The following ARHGAP32 variants were observed in gnomAD, a reference collection of about 807,000 sequenced individuals.
ARHGAP32 encodes the protein rho GTPase-activating protein 32.
A neutral mutation model predicts 186.5 loss-of-function variants in ARHGAP32; 51 were observed. The observed-to-expected ratio is 0.27, with a 90% confidence interval of 0.22 to 0.35. ARHGAP32 has a LOEUF of 0.35. Among genes scored for constraint, ARHGAP32 ranks in the 10% least tolerant of loss-of-function variants. ARHGAP32 has a pLI of 1.00. For missense variants in ARHGAP32, 2,186 were observed against 2,623.5 expected (o/e 0.83, Z 3.64); for synonymous variants, 950 against 964.3 (o/e 0.99, Z 0.27).
chr11:129,007,004 C>G (rs1200354895), intron 11 of ARHGAP32, among the ~76,000 whole-genome samples: 5 of 152,080 alleles, frequency 3.3e-5, no homozygotes, highest in African/African-American at 1.2e-4. Flanking sequence ...ATCCCATGGC[C>G]ACCACCACCA....
At chr11:129,011,636 A>C (rs756083608) in intron 11 of ARHGAP32, among the ~76,000 whole-genome samples, 1 of 152,200 alleles carries the variant, frequency 6.6e-6, no homozygotes, top group Non-Finnish European at 1.5e-5. Context: ...ACATTTCAAA[A>C]CATTTTAAAA....
At chr11:129,192,824 G>A (rs543832466), upstream of ARHGAP32, among the ~76,000 whole-genome samples, 5 of 152,266 alleles carry the variant, frequency 3.3e-5, no homozygotes, top group African/African-American at 1.2e-4. Context: ...TAAAAGCTGG[G>A]CTTGTCCACA....
Position 129,143,104 on chromosome 11 carries a change from C to T in ARHGAP32, c.226-18210G>A, listed in dbSNP as rs999990028. On this transcript the variant is annotated intron_variant, in intron 2 of 22. Coordinates refer to ENST00000682385, the MANE Select transcript of ARHGAP32 (RefSeq NM_001378024.1). ...ATATATATATAATCAACTGAATAAA[C>T]GAGATTTTGATACAAAATTTGTGCT... is the stretch of plus-strand genomic sequence containing the variant. Among the ~76,000 whole-genome samples the T allele has an allele frequency of 6.2e-5, 5 of 80,458 alleles. 1 individual carries two copies. Among genetic ancestry groups the T allele is most frequent in the South Asian group, 7.8e-4 (2 of 2,556 alleles). The allele number at this position is 80,458 out of a possible 152,430, so 52.8% of individuals were successfully genotyped here.
chr11:128,989,851 G>C (rs1023936699), intron 12 of ARHGAP32, among the ~76,000 whole-genome samples: 5 of 151,904 alleles, frequency 3.3e-5, no homozygotes, highest in African/African-American at 1.2e-4. Flanking sequence ...GAGAATGATG[G>C]CTTCCAACTT....
chr11:129,117,742 A>C (rs535732150), intron 5 of ARHGAP32, among the ~76,000 whole-genome samples: 7 of 152,060 alleles, frequency 4.6e-5, no homozygotes, highest in African/African-American at 1.7e-4. Context: ...ATGATAAAGA[A>C]AATACAAATC....
chr11:129,163,909 T>A (rs1943580231), intron 2 of ARHGAP32, among the ~76,000 whole-genome samples: 1 of 152,150 alleles, frequency 6.6e-6, no homozygotes, highest in Admixed American at 6.6e-5. Flanking sequence ...TCAGCCACAC[T>A]ATCCTATTTG....
At chr11:129,277,393 T>G (rs541841185) in intron 1 of ARHGAP32, among the ~76,000 whole-genome samples, 1 of 152,318 alleles carries the variant, frequency 6.6e-6, no homozygotes, top group East Asian at 1.9e-4. Context: ...AAGAAGACAG[T>G]TGAGCCTGTC....
At chr11:129,143,570 T>C (rs956641100) in intron 2 of ARHGAP32, among the ~76,000 whole-genome samples, 2 of 152,134 alleles carry the variant, frequency 1.3e-5, no homozygotes, top group Non-Finnish European at 2.9e-5. Flanking sequence ...CCAACTCTCA[T>C]GGTATTGCAG....
chr11:128,969,570 A>G lies in ARHGAP32; in HGVS notation c.5643T>C (p.Leu1881=). The G allele has an allele frequency of 6.2e-7, 1 of 1,614,104 alleles. No individual in the cohort carries two copies. Among genetic ancestry groups the G allele is most frequent in the Non-Finnish European group, 8.5e-7 (1 of 1,180,028 alleles). Residue 1881 remains leucine (L), a synonymous_variant, in exon 23 of 23, where the codon CTT becomes CTC. Transcript: ENST00000682385. This position sits in a 1 kb window ranked among gnomAD's most constrained non-coding sequence, Gnocchi z 4.8. ...CAGGAAGACTGCAGCCCATGTCAGG[A>G]AGCTTCCTGCTCCTCAGGCTGCTCT... ...QKQSSLRSRK[L]PDMGCSLPEH...
Position 128,974,179 on chromosome 11 carries a change from A to C in ARHGAP32, c.3018T>G (p.Asp1006Glu), listed in dbSNP as rs1945476872. The stretch of plus-strand genomic sequence containing the variant: ...TACTCTGACTGCTTGAGACAGACTG[A>C]TCCTCTTTCCCTGGCAATTCTACTT... Reference protein sequence around the residue: ...AEEVELPGKEDQSVSSSQSKA... With the variant: ...AEEVELPGKEEQSVSSSQSKA... The change falls in exon 21 of 23, where the codon GAT becomes GAG. Residue 1006 changes from aspartate to glutamate, a missense_variant. This residue lies in a region of ARHGAP32 where 1,502 missense variants were observed against 1,570.0 expected (regional missense o/e 0.96). Transcript: ENST00000682385. The C allele has an allele frequency of 6.2e-7, 1 of 1,614,210 alleles. No homozygotes were observed. Among genetic ancestry groups the C allele is most frequent in the South Asian group, 1.1e-5 (1 of 91,080 alleles).
rs1243589908 is a variant in ARHGAP32 at position 128,970,219 on chromosome 11, C to A, written c.4994G>T (p.Ser1665Ile). 3 of 1,614,074 alleles carry A rather than the reference C, an allele frequency of 1.9e-6. No individual in the cohort carries two copies. The highest frequency in any genetic ancestry group is 2.5e-6 in the Non-Finnish European group (3 of 1,180,044). ...GGAACTAGAAGAACTGGAATATGGG[C>A]TATACCTGTAGTGGACCCGGCCATT... ...FENGRVHYRY[S>I]PYSSSSSSYY... The change falls in exon 23 of 23, where the codon AGC becomes ATC. Residue 1665 changes from serine (S) to isoleucine (I), a missense_variant. Ser to Ile is a moderately radical substitution (Grantham distance 142, BLOSUM62 -2). Coordinates refer to ENST00000682385, the MANE Select transcript of ARHGAP32 (RefSeq NM_001378024.1). The surrounding 1 kb of genome is among the most constrained non-coding windows in gnomAD (Gnocchi z 5.8).
chr11:129,121,721 T>C (rs1034392106), intron 5 of ARHGAP32, among the ~76,000 whole-genome samples: 2 of 151,996 alleles, frequency 1.3e-5, no homozygotes, highest in Non-Finnish European at 2.9e-5. Context: ...TTGAAGTAAG[T>C]GCAATGGGGA....
At chr11:129,038,062 C>T (rs1322569679) in intron 11 of ARHGAP32, among the ~76,000 whole-genome samples, 1 of 151,808 alleles carries the variant, frequency 6.6e-6, no homozygotes, top group Non-Finnish European at 1.5e-5. Context: ...GATCGCACCA[C>T]TGCACTCCAA....
chr11:129,143,999 C>G (rs892350060), intron 2 of ARHGAP32, among the ~76,000 whole-genome samples: 2 of 152,074 alleles, frequency 1.3e-5, no homozygotes, highest in East Asian at 3.8e-4. Context: ...ATTGTACCAT[C>G]AGAAAGATAG....
At chr11:129,111,371 T>C (rs931368695) in intron 5 of ARHGAP32, among the ~76,000 whole-genome samples, 2 of 152,192 alleles carry the variant, frequency 1.3e-5, no homozygotes, top group African/African-American at 4.8e-5. Context: ...GGGATATTGA[T>C]CTGTAGTTTT....
At chr11:129,069,227 A>G (rs1033011735) in intron 6 of ARHGAP32, among the ~76,000 whole-genome samples, 1 of 151,966 alleles carries the variant, frequency 6.6e-6, no homozygotes, top group Non-Finnish European at 1.5e-5. Flanking sequence ...AGATTTACCA[A>G]CTCCTGAAAT....
chr11:129,156,641 T>C (rs1943414464), intron 2 of ARHGAP32, among the ~76,000 whole-genome samples: 1 of 152,136 alleles, frequency 6.6e-6, no homozygotes, highest in African/African-American at 2.4e-5. Context: ...GGTGGGGCTG[T>C]GGGTGCAGCT....
At chr11:129,136,712 T>C (rs1254704689) in intron 2 of ARHGAP32, among the ~76,000 whole-genome samples, 4 of 152,082 alleles carry the variant, frequency 2.6e-5, no homozygotes. Context: ...CTATTAAGTC[T>C]TTAATTAAAA....
chr11:129,013,354 G>C (rs913761278), intron 11 of ARHGAP32, among the ~76,000 whole-genome samples: 5 of 152,204 alleles, frequency 3.3e-5, no homozygotes, highest in Non-Finnish European at 5.9e-5. Flanking sequence ...GGGTGTGTGA[G>C]TGGGAGGGGT....
Sources: gnomAD v4.1 joint callset for allele counts (sites outside exome capture counted in the v4.1 genomes callset) on GRCh38, gnomAD v4.1.1 for gene constraint, gnomAD v4.1.1 regional missense constraint, Gnocchi (gnomAD v3.1) non-coding constraint, MANE v1.5 for transcripts, NCBI Gene and HGNC (gene_info 2026-07-23, HGNC 2026-07-21) for gene names.